DNAH9: variants seen among roughly 807,000 people sequenced by gnomAD.
DNAH9 encodes the protein DNAH9 variant protein.
DNAH9 carries 345 observed loss-of-function variants against 471.6 expected under a neutral mutation model. The ratio of observed to expected loss-of-function variants is 0.73; its 90% CI spans 0.67 to 0.80. The LOEUF is 0.80. DNAH9 is among the 30% of genes least tolerant of loss of function. The probability of loss-of-function intolerance (pLI) is 0.00; values close to 1 mark genes in which losing one functional copy is unlikely to be tolerated. For synonymous variants in DNAH9, 2,093 were observed against 2,123.6 expected (o/e 0.99, Z 0.40); for missense variants, 5,407 against 5,609.2 (o/e 0.96, Z 1.15).
At chr17:11,618,952 CTT>C (rs1212455864) in intron 5 of DNAH9, among the ~76,000 whole-genome samples, 1 of 152,144 alleles carries the variant, frequency 6.6e-6, no homozygotes, top group African/African-American at 2.4e-5. Flanking sequence ...AGCCAGAACT[CTT>C]TTGGTTGAAA....
intron 59 of DNAH9, among the ~76,000 whole-genome samples, chr17:11,896,769 T>TAAATATAGAA: frequency 6.6e-6 from 1 of 152,330 alleles, no homozygotes; most frequent in African/African-American, 2.4e-5. Flanking sequence ...TTAAATTTTC[T>TAAATATAGAA]ATAGCTGCAT....
rs560230023 is a variant in DNAH9 at position 11,852,570 on chromosome 17, C to A, written c.9508-1433C>A. Among the ~76,000 whole-genome samples the A allele has an allele frequency of 5.3e-5, 8 of 152,102 alleles. No homozygotes were observed. The South Asian group carries it at 1.7e-3, about 32-fold the overall frequency. ...TACCTGGAGAAAACCCAGCCTGGAG[C>A]AGCCCCTGGTTCTTCAGATGGAAGG... On this transcript the variant is annotated intron_variant, in intron 49 of 68. Transcript: ENST00000262442.
At chr17:11,945,755 C>T (rs992508270) in intron 67 of DNAH9, among the ~76,000 whole-genome samples, 4 of 151,828 alleles carry the variant, frequency 2.6e-5, no homozygotes, top group African/African-American at 7.2e-5. Context: ...GCAATATACA[C>T]ATGTGAGAAA....
At chr17:11,701,275 C>A in intron 24 of DNAH9, 28 bp downstream of exon 24, 1 of 1,608,852 alleles carries the variant, frequency 6.2e-7, no homozygotes, top group Non-Finnish European at 8.5e-7. Context: ...TCCCCATCCT[C>A]CATGGTTGGG....
chr17:11,739,066 GC>G, intron 29 of DNAH9, 29 bp downstream of exon 29: 1 of 1,512,784 alleles, frequency 6.6e-7, no homozygotes, highest in Non-Finnish European at 8.9e-7. Context: ...CCATGCAAAA[GC>G]CCCAAAAGAG....
At chr17:11,607,547 T>C (rs575961159) in intron 1 of DNAH9, among the ~76,000 whole-genome samples, 1 of 152,264 alleles carries the variant, frequency 6.6e-6, no homozygotes, top group South Asian at 2.1e-4. Flanking sequence ...CCTCGTCCTC[T>C]TGATAAAGAG....
intron 33 of DNAH9, 119 bp downstream of exon 33, chr17:11,753,079 C>T: frequency 1.2e-6 from 1 of 801,822 alleles, no homozygotes; most frequent in Non-Finnish European, 1.9e-6. Context: ...GAGTAAGGAA[C>T]TATCATCAGC....
chr17:11,924,063 C>G lies in DNAH9; in HGVS notation c.11877+122C>G, dbSNP rs897882234. 4.4e-6 allele frequency: 6 copies of G among 1,352,836 alleles called. No homozygotes were observed. In the African/African-American group the frequency reaches 8.7e-5, roughly 20 times the overall value. 83.8% of individuals were successfully genotyped at this position (1,352,836 alleles called of 1,614,324 possible). On this transcript the variant is annotated intron_variant, in intron 62 of 68. Coordinates refer to ENST00000262442, the MANE Select transcript of DNAH9 (RefSeq NM_001372.4). ...TGTCCTTTCACACTCTTGTCCCCTT[C>G]ATTTCTTCATCTTCTCTCTTTCCAG...
Position 11,680,705 on chromosome 17 carries a change from C to G in DNAH9, c.3577-18C>G, listed in dbSNP as rs1597470932. ...AGAGCACCTTGGGAATCTGACCACA[C>G]TGAGGTTTCCTTTGCAGGAGCTGCC... is the stretch of plus-strand genomic sequence containing the variant. On this transcript the variant is annotated intron_variant, in intron 18 of 68. Transcript: ENST00000262442. The G allele has an allele frequency of 6.2e-7, 1 of 1,613,018 alleles. No homozygotes were observed. The highest frequency in any genetic ancestry group is 1.7e-4 in the Middle Eastern group (1 of 6,044).
chr17:11,660,001 C>T (rs1047291446), intron 14 of DNAH9, among the ~76,000 whole-genome samples: 2 of 152,122 alleles, frequency 1.3e-5, no homozygotes, highest in African/African-American at 2.4e-5. Flanking sequence ...TTTCCTTGGT[C>T]GGTTTTGCTA....
At chr17:11,720,153 T>C (rs1477627759) in intron 27 of DNAH9, among the ~76,000 whole-genome samples, 1 of 152,156 alleles carries the variant, frequency 6.6e-6, no homozygotes, top group Non-Finnish European at 1.5e-5. Flanking sequence ...TGAGGTCACT[T>C]CTTTAGCTAG....
At chr17:11,739,384 C>T (rs2075399207) in intron 29 of DNAH9, among the ~76,000 whole-genome samples, 1 of 152,064 alleles carries the variant, frequency 6.6e-6, no homozygotes, top group Non-Finnish European at 1.5e-5. Flanking sequence ...ACTTTTTTAT[C>T]AAGTGCATGG....
In DNAH9 at chr17:11,903,713, C is replaced by A. The variant is rs1169357498; in HGVS notation, c.11600+801C>A. ...TCGCTTAAGGTCAGGAGTTTGAGAC[C>A]AGCCTGGCCAACATGGTGAAACCCT... On this transcript the variant is annotated intron_variant, in intron 60 of 68. Coordinates refer to ENST00000262442, the MANE Select transcript of DNAH9 (RefSeq NM_001372.4). 6.6e-5 allele frequency among the ~76,000 whole-genome samples: 10 copies of A among 152,192 alleles called. 1 individual carries two copies. The South Asian group carries it at 2.1e-3, about 32-fold the overall frequency.
chr17:11,645,004 C>CTGCT (rs2073353966), intron 11 of DNAH9, among the ~76,000 whole-genome samples: 2 of 152,170 alleles, frequency 1.3e-5, no homozygotes, highest in Admixed American at 1.3e-4. Context: ...ATTGCAACAG[C>CTGCT]TGCTTACTCA....
intron 6 of DNAH9, among the ~76,000 whole-genome samples, chr17:11,620,989 G>A (rs910914237): frequency 2.6e-5 from 4 of 152,138 alleles, no homozygotes; most frequent in Non-Finnish European, 5.9e-5. Flanking sequence ...AACTTAATAT[G>A]TTTAACAGGT....
chr17:11,913,198 G>T (rs974492512), intron 61 of DNAH9, among the ~76,000 whole-genome samples: 1 of 152,110 alleles, frequency 6.6e-6, no homozygotes, highest in African/African-American at 2.4e-5. Context: ...TAAAGTATTA[G>T]TATTAATTCT....
chr17:11,798,411 C>T lies in DNAH9; in HGVS notation c.8420+618C>T, dbSNP rs369484652. Among the ~76,000 whole-genome samples the T allele has an allele frequency of 2.6e-4, 29 of 112,326 alleles. No homozygotes were observed. In the East Asian group the frequency reaches 4.1e-3, roughly 16 times the overall value. The allele number at this position is 112,326 out of a possible 152,430, so 73.7% of individuals were successfully genotyped here. ...TGGCGCCACTGCACTCCAGCCTGGGCGACAGAGCAAGACTCTGCCTCAAAA... is the reference window on the plus strand; with the variant it reads ...TGGCGCCACTGCACTCCAGCCTGGGTGACAGAGCAAGACTCTGCCTCAAAA... On this transcript the variant is annotated intron_variant, in intron 43 of 68. Coordinates refer to ENST00000262442, the MANE Select transcript of DNAH9 (RefSeq NM_001372.4).
At chr17:11,780,919 C>A in intron 38 of DNAH9, 90 bp from the exon 39 acceptor site, 4 of 1,374,956 alleles carry the variant, frequency 2.9e-6, no homozygotes, top group Non-Finnish European at 3.0e-6. Flanking sequence ...ATGAAGGCAG[C>A]ACCATTGCTT....
At chr17:11,897,813 T>C (rs1973267031) in intron 59 of DNAH9, among the ~76,000 whole-genome samples, 1 of 152,232 alleles carries the variant, frequency 6.6e-6, no homozygotes, top group Non-Finnish European at 1.5e-5. Context: ...TGATTGGTTA[T>C]GGTTGCTGTA....
Sources: gnomAD v4.1 joint callset for allele counts (sites outside exome capture counted in the v4.1 genomes callset) on GRCh38, gnomAD v4.1.1 for gene constraint, MANE v1.5 for transcripts, NCBI Gene and HGNC (gene_info 2026-07-23, HGNC 2026-07-21) for gene names.